ATXN8OS: variants seen among roughly 807,000 people sequenced by gnomAD.
ATXN8OS encodes ATXN8 opposite strand lncRNA.
At chr13:70,122,741 TAAGGAAGGGTTC>T (rs1009224202) in intron 2 of ATXN8OS, among the ~76,000 whole-genome samples, 5 of 151,796 alleles carry the variant, frequency 3.3e-5, no homozygotes, top group Admixed American at 6.6e-5. Flanking sequence ...GAAATTGAAA[TAAGGAAGGGTTC>T]AAGGAAATGA....
At chr13:70,170,586 A>G (rs570580047) in exon 5 of ATXN8OS, among the ~76,000 whole-genome samples, 5 of 152,272 alleles carry the variant, frequency 3.3e-5, no homozygotes, top group Non-Finnish European at 4.4e-5. Flanking sequence ...AACCATCTCA[A>G]GGGAAAACAG....
intron 1 of ATXN8OS, among the ~76,000 whole-genome samples, chr13:70,111,797 T>C (rs1366637544): frequency 6.6e-6 from 1 of 152,234 alleles, no homozygotes; most frequent in Non-Finnish European, 1.5e-5. Flanking sequence ...TAGAAATTTC[T>C]TCTACATGAT....
intron 4 of ATXN8OS, among the ~76,000 whole-genome samples, chr13:70,151,296 T>C (rs565302130): frequency 5.3e-5 from 8 of 152,242 alleles, no homozygotes; most frequent in Non-Finnish European, 7.4e-5. Context: ...CAATTCTTCA[T>C]TTCTTCTTCC....
intron 2 of ATXN8OS, among the ~76,000 whole-genome samples, chr13:70,119,700 A>G (rs771772856): frequency 1.3e-5 from 2 of 152,144 alleles, no homozygotes; most frequent in Non-Finnish European, 2.9e-5. Context: ...TGACCTGATG[A>G]CATAAGTGAA....
At chr13:70,134,337 T>G (rs1327473470) in intron 3 of ATXN8OS, among the ~76,000 whole-genome samples, 1 of 152,222 alleles carries the variant, frequency 6.6e-6, no homozygotes, top group Non-Finnish European at 1.5e-5. Context: ...TGTTTAGTGG[T>G]GATGACAAGC....
At chr13:70,117,138 T>C (rs916235791) in intron 2 of ATXN8OS, among the ~76,000 whole-genome samples, 10 of 152,082 alleles carry the variant, frequency 6.6e-5, no homozygotes, top group African/African-American at 2.2e-4. Context: ...ATAAGGACTA[T>C]AGTCAACAAT....
In ATXN8OS at chr13:70,128,792, T is replaced by C. The variant is rs56904682; in HGVS notation, n.399-992T>C. On this transcript the variant is annotated intron_variant and non_coding_transcript_variant, in intron 2 of 4. Coordinates refer to ENST00000678624, the Ensembl canonical transcript of ATXN8OS. ...TCGTATATCTCTTTAAGGTATCTTATGTGTATGAAATATGGCTCTAAAATG... is the reference window on the plus strand; with the variant it reads ...TCGTATATCTCTTTAAGGTATCTTACGTGTATGAAATATGGCTCTAAAATG... Among the ~76,000 whole-genome samples the C allele has an allele frequency of 6.8e-3, 1,036 of 152,170 alleles. 11 individuals carry two copies. Among genetic ancestry groups the C allele is most frequent in the African/African-American group, 0.022 (914 of 41,518 alleles).
chr13:70,146,582 C>T (rs1888789513), intron 3 of ATXN8OS, among the ~76,000 whole-genome samples: 1 of 151,992 alleles, frequency 6.6e-6, no homozygotes, highest in African/African-American at 2.4e-5. Context: ...TACTATGCAG[C>T]CATAAAAAAT....
rs1182356503 is a variant in ATXN8OS at position 70,129,411 on chromosome 13, T to C, written n.399-373T>C. 2.6e-5 allele frequency among the ~76,000 whole-genome samples: 4 copies of C among 151,492 alleles called. No homozygotes were observed. The East Asian group carries it at 7.8e-4, about 30-fold the overall frequency. On this transcript the variant is annotated intron_variant and non_coding_transcript_variant, in intron 2 of 4. Coordinates refer to ENST00000678624, the Ensembl canonical transcript of ATXN8OS. ...TGTGTGTGTGTGTGTGTGTTATGTT[T>C]TCACTAATCGAAGAAGCTTGCTGGT...
In ATXN8OS at chr13:70,154,656, T is replaced by C. The variant is rs140677748; in HGVS notation, n.573+7228T>C. On this transcript the variant is annotated intron_variant and non_coding_transcript_variant, in intron 4 of 4. Transcript: ENST00000678624. Reference sequence around the variant, plus strand: ...CCAGACCCAGGAAATGTCTTGATAATATCATCTAATGTGCTCTAGAGACTC... The same window carrying C: ...CCAGACCCAGGAAATGTCTTGATAACATCATCTAATGTGCTCTAGAGACTC... 3.3e-4 allele frequency among the ~76,000 whole-genome samples: 51 copies of C among 152,262 alleles called. 2 individuals carry two copies. In the East Asian group the frequency reaches 8.5e-3, roughly 25 times the overall value.
intron 2 of ATXN8OS, among the ~76,000 whole-genome samples, chr13:70,118,257 T>C (rs1888309212): frequency 6.6e-6 from 1 of 152,218 alleles, no homozygotes; most frequent in East Asian, 1.9e-4. Flanking sequence ...TTGGCAATAG[T>C]CTGTAAGGAA....
At chr13:70,115,392 G>T in intron 2 of ATXN8OS, 1 of 396,362 alleles carries the variant, frequency 2.5e-6, no homozygotes, top group Non-Finnish European at 4.4e-6. Flanking sequence ...CAACACTGTG[G>T]CATTAGGGAT....
exon 3 of ATXN8OS, chr13:70,129,837 A>C (rs561777598): frequency 1.7e-4 from 66 of 398,368 alleles, no homozygotes; most frequent in Non-Finnish European, 2.6e-4. Context: ...TATGTATAGG[A>C]AGTTGAAGTG....
rs1006940619 is a variant in ATXN8OS, at chr13:70,119,814, CTA to C, written n.398+4518_398+4519del. 5.1e-4 allele frequency among the ~76,000 whole-genome samples: 78 copies of C among 151,966 alleles called. 1 individual carries two copies. The highest frequency in any genetic ancestry group is 3.8e-4 in the Non-Finnish European group (26 of 67,974). On this transcript the variant is annotated intron_variant and non_coding_transcript_variant, in intron 2 of 4. Transcript: ENST00000678624. The stretch of plus-strand genomic sequence containing the variant: ...AATATTATGTAAAATTATCTTCAGA[CTA>C]TGTGTATAAAGTCAGTGATTATGAA...
At chr13:70,155,433 G>A (rs1888924790) in intron 4 of ATXN8OS, among the ~76,000 whole-genome samples, 1 of 152,146 alleles carries the variant, frequency 6.6e-6, no homozygotes, top group African/African-American at 2.4e-5. Context: ...CCATCCTTGT[G>A]CTGCTGGTTT....
At chr13:70,165,234 A>G (rs1889064331) in intron 4 of ATXN8OS, among the ~76,000 whole-genome samples, 1 of 151,896 alleles carries the variant, frequency 6.6e-6, no homozygotes, top group Non-Finnish European at 1.5e-5. Flanking sequence ...AAGAGCATAG[A>G]AGAGTAACAA....
chr13:70,110,310 GTT>G (rs1315275405), intron 1 of ATXN8OS, among the ~76,000 whole-genome samples: 4 of 151,892 alleles, frequency 2.6e-5, no homozygotes, highest in Non-Finnish European at 5.9e-5. Flanking sequence ...CAATATATAA[GTT>G]TGAAAAAATC....
chr13:70,153,492 A>G (rs1593774700), intron 4 of ATXN8OS, among the ~76,000 whole-genome samples: 1 of 152,104 alleles, frequency 6.6e-6, no homozygotes, highest in Admixed American at 6.5e-5. Context: ...GGAGAATCGC[A>G]TGAACCCGGG....
intron 1 of ATXN8OS, among the ~76,000 whole-genome samples, chr13:70,111,442 A>G (rs931716054): frequency 6.6e-6 from 1 of 152,152 alleles, no homozygotes; most frequent in Non-Finnish European, 1.5e-5. Context: ...CAGGCATCAT[A>G]TGGCAATGGG....
Sources: gnomAD v4.1 joint callset for allele counts (sites outside exome capture counted in the v4.1 genomes callset) on GRCh38, gnomAD v4.1.1 for gene constraint, MANE v1.5 for transcripts, NCBI Gene and HGNC (gene_info 2026-07-23, HGNC 2026-07-21) for gene names.